The following S100PBP variants were observed in gnomAD, a reference collection of about 807,000 sequenced individuals.
S100PBP encodes S100P-binding protein.
Under a neutral mutation model 39.9 loss-of-function variants are expected in S100PBP, and 15 were observed. That is an observed-to-expected ratio of 0.38 (90% CI 0.25 to 0.58). The LOEUF (loss-of-function observed/expected upper bound fraction) is 0.58, where lower values mean the gene tolerates loss of function less well. Ranked by LOEUF, S100PBP falls within the 20% of genes least tolerant of loss-of-function variation. The pLI is 0.70. For missense variants in S100PBP, 504 were observed against 487.3 expected (o/e 1.03, Z -0.32); for synonymous variants, 178 against 180.3 (o/e 0.99, Z 0.10).
At chr1:32,845,134 C>T (rs1204910100) in intron 5 of S100PBP, among the ~76,000 whole-genome samples, 1 of 152,138 alleles carries the variant, frequency 6.6e-6, no homozygotes, top group East Asian at 1.9e-4. Flanking sequence ...ACGCCATTCT[C>T]CTGCGTCAGC....
rs772836718 is a variant in S100PBP at position 32,826,876 on chromosome 1, A to T, written c.777A>T (p.Ser259=). Residue 259 remains serine, a synonymous_variant, in exon 3 of 7, where the codon TCA becomes TCT. Transcript: ENST00000373475. The part of the protein sequence containing the change: ...NMELSCRNGG[S]HKSSCEMRSL... The stretch of plus-strand genomic sequence containing the variant: ...AGTTATCCTGCAGAAATGGTGGTTC[A>T]CACAAGTCAAGTTGTGAAATGAGAT... The T allele has an allele frequency of 3.1e-5, 50 of 1,609,138 alleles. No homozygotes were observed. Among genetic ancestry groups the T allele is most frequent in the Admixed American group, 1.0e-4 (6 of 58,706 alleles).
chr1:32,828,219 C>A, intron 4 of S100PBP, 138 bp downstream of exon 4: 1 of 554,702 alleles, frequency 1.8e-6, no homozygotes, highest in East Asian at 3.1e-5. Context: ...CTAGCACTAC[C>A]AACTATGTGA....
rs35149609 is a variant in S100PBP at position 32,827,783 on chromosome 1, GTTTTTTTTTTTTT to G, written c.832-198_832-186del. On this transcript the variant is annotated intron_variant, in intron 3 of 6. Transcript: ENST00000373475. ...GGCATGAGCCACTACACCTGGCCAG[GTTTTTTTTTTTTT>G]TTTTTTTTTTTAAGATTACAGAAAA... 4.1e-3 allele frequency among the ~76,000 whole-genome samples: 535 copies of G among 130,416 alleles called. 2 individuals carry two copies. Among genetic ancestry groups the G allele is most frequent in the Middle Eastern group, 0.016 (4 of 250 alleles). The allele number at this position is 130,416 out of a possible 152,430, so 85.6% of individuals were successfully genotyped here.
At chr1:32,823,075 T>C (rs978036073) in intron 1 of S100PBP, among the ~76,000 whole-genome samples, 1 of 152,230 alleles carries the variant, frequency 6.6e-6, no homozygotes, top group Non-Finnish European at 1.5e-5. Flanking sequence ...TCTAACATTA[T>C]TAGCTATGTA....
chr1:32,817,960 G>C, intron 1 of S100PBP: 1 of 152,940 alleles, frequency 6.5e-6, no homozygotes, highest in South Asian at 2.0e-4. Context: ...GTCGGGGAGC[G>C]CCGTCTGCAG....
At chr1:32,822,704 C>A (rs562545026) in intron 1 of S100PBP, among the ~76,000 whole-genome samples, 63 of 151,536 alleles carry the variant, frequency 4.2e-4, no homozygotes, top group Admixed American at 1.3e-3. Context: ...CTCCTCCTCT[C>A]TATATATACC....
At chr1:32,829,054 A>G (rs1639470892) in intron 4 of S100PBP, among the ~76,000 whole-genome samples, 1 of 152,346 alleles carries the variant, frequency 6.6e-6, no homozygotes, top group Non-Finnish European at 1.5e-5. Flanking sequence ...TTTGACTATC[A>G]TCCCGAATCC....
At position 32,817,829 on chromosome 1, in the gene S100PBP, C is replaced by T. The variant is rs1295565948; in HGVS notation, c.-120+140C>T. 4.3e-5 allele frequency: 7 copies of T among 162,612 alleles called. No homozygotes were observed. In the South Asian group the frequency reaches 7.2e-4, roughly 17 times the overall value. The allele number at this position is 162,612 out of a possible 1,614,324, so 10.1% of individuals were successfully genotyped here. A position where few individuals can be genotyped will look rare whatever the true frequency, so the allele number is the denominator to read the frequency against. On this transcript the variant is annotated intron_variant, in intron 1 of 6. Transcript: ENST00000373475. Reference sequence around the variant, plus strand: ...GGCCCACGCCCTGCTGCGAGAAGGGCGCGTTCTAGCTCCTGAGGTGATGGC... The same window carrying T: ...GGCCCACGCCCTGCTGCGAGAAGGGTGCGTTCTAGCTCCTGAGGTGATGGC...
chr1:32,820,671 C>T (rs540372673), intron 1 of S100PBP: 4 of 152,220 alleles, frequency 2.6e-5, no homozygotes, highest in Admixed American at 2.0e-4. Context: ...CCATTGACTT[C>T]ATAATTTTAA....
intron 3 of S100PBP, among the ~76,000 whole-genome samples, 195 bp from the exon 4 acceptor site, chr1:32,827,798 T>G (rs1197884844): frequency 1.3e-5 from 2 of 151,284 alleles, no homozygotes; most frequent in East Asian, 3.9e-4. Flanking sequence ...TTTTTTTTTT[T>G]TTTTTTTTTA....
At chr1:32,816,763 C>G (rs1278193942), upstream of S100PBP, 1 of 188,246 alleles carries the variant, frequency 5.3e-6, no homozygotes, top group African/African-American at 2.3e-5. Context: ...GGAAGCCTTC[C>G]CTTCTCTCTT....
rs374121034 is a variant in S100PBP, at chr1:32,826,464, C to T, written c.365C>T (p.Ser122Leu). The change falls in exon 3 of 7, where the codon TCA becomes TTA. Residue 122 changes from serine to leucine, a missense_variant. Coordinates refer to ENST00000373475, the MANE Select transcript of S100PBP (RefSeq NM_022753.4). ...DLFKLPQLST[S>L]SGHGPAHTKP... ...TTCAAACTACCTCAGCTAAGTACATCAAGTGGTCATGGACCAGCTCATACT... is the reference window on the plus strand; with the variant it reads ...TTCAAACTACCTCAGCTAAGTACATTAAGTGGTCATGGACCAGCTCATACT... The T allele has an allele frequency of 5.7e-5, 92 of 1,614,004 alleles. No individual in the cohort carries two copies. Among genetic ancestry groups the T allele is most frequent in the Non-Finnish European group, 7.2e-5 (85 of 1,180,038 alleles).
chr1:32,840,034 G>T (rs1409330133), intron 5 of S100PBP, among the ~76,000 whole-genome samples: 1 of 152,064 alleles, frequency 6.6e-6, no homozygotes, highest in African/African-American at 2.4e-5. Flanking sequence ...GCTCAGGCTG[G>T]AGTGCAGCGG....
chr1:32,827,186 T>G (rs1415789201), intron 3 of S100PBP, among the ~76,000 whole-genome samples: 2 of 152,206 alleles, frequency 1.3e-5, no homozygotes, highest in African/African-American at 4.8e-5. Flanking sequence ...TTATCTAAAT[T>G]GGAGTAAATA....
chr1:32,841,884 TA>T (rs1348415173), intron 5 of S100PBP, among the ~76,000 whole-genome samples: 1 of 151,686 alleles, frequency 6.6e-6, no homozygotes, highest in Non-Finnish European at 1.5e-5. Context: ...ATGATCCTTT[TA>T]AAATTTATTC....
At chr1:32,828,124 T>A in intron 4 of S100PBP, 43 bp downstream of exon 4, 1 of 1,362,304 alleles carries the variant, frequency 7.3e-7, no homozygotes, top group South Asian at 1.2e-5. Flanking sequence ...ATTTTGGTTC[T>A]CTTCAATTTC....
At position 32,848,937 on chromosome 1, in the gene S100PBP, T is replaced by C. The variant is rs113722317; in HGVS notation, c.1025-4142T>C. Among the ~76,000 whole-genome samples the C allele has an allele frequency of 3.1e-3, 476 of 152,294 alleles. 7 individuals are homozygous for C. Among genetic ancestry groups the C allele is most frequent in the African/African-American group, 0.011 (451 of 41,546 alleles). On this transcript the variant is annotated intron_variant, in intron 5 of 6. Coordinates refer to ENST00000373475, the MANE Select transcript of S100PBP (RefSeq NM_022753.4). ...CTTAAAATAAACCCATGGTACTGATTGTTGGTCCAAGAAAGCCCATCTGTT... is the reference window on the plus strand; with the variant it reads ...CTTAAAATAAACCCATGGTACTGATCGTTGGTCCAAGAAAGCCCATCTGTT...
intron 5 of S100PBP, among the ~76,000 whole-genome samples, chr1:32,832,985 G>T (rs1199058297): frequency 1.3e-5 from 2 of 148,380 alleles, no homozygotes; most frequent in South Asian, 2.1e-4. Flanking sequence ...TGCCCCATGG[G>T]TTTTTTTTTT....
intron 5 of S100PBP, among the ~76,000 whole-genome samples, chr1:32,852,400 A>G (rs1640647985): frequency 6.6e-6 from 1 of 151,900 alleles, no homozygotes; most frequent in Admixed American, 6.6e-5. Context: ...TCCATGTAAG[A>G]TTTTTTTTAG....
Sources: gnomAD v4.1 joint callset for allele counts (sites outside exome capture counted in the v4.1 genomes callset) on GRCh38, gnomAD v4.1.1 for gene constraint, MANE v1.5 for transcripts, NCBI Gene and HGNC (gene_info 2026-07-23, HGNC 2026-07-21) for gene names.